VPS8: variants seen among roughly 807,000 people sequenced by gnomAD.
VPS8 encodes the protein vacuolar protein sorting-associated protein 8 homolog.
In VPS8, 129 loss-of-function variants were observed where a neutral mutation model predicts 216.4. That is an observed-to-expected ratio of 0.60 (90% CI 0.52 to 0.69). The LOEUF is 0.69. Among genes scored for constraint, VPS8 ranks in the 30% least tolerant of loss-of-function variants. The probability of loss-of-function intolerance (pLI) is 0.00; values close to 1 mark genes in which losing one functional copy is unlikely to be tolerated. For missense variants in VPS8, 1,531 were observed against 1,683.5 expected (o/e 0.91, Z 1.59); for synonymous variants, 571 against 565.4 (o/e 1.01, Z -0.14).
Position 184,850,023 on chromosome 3 carries a change from G to A in VPS8, c.753+1G>A. The A allele has an allele frequency of 6.3e-7, 1 of 1,598,026 alleles. No individual in the cohort carries two copies. Among genetic ancestry groups the A allele is most frequent in the East Asian group, 2.2e-5 (1 of 44,732 alleles). ...AGGAACAGCAATATTGCATATCAAGGTAAGAGCTTTATTTTCTTTTCCTAA... is the reference window on the plus strand; with the variant it reads ...AGGAACAGCAATATTGCATATCAAGATAAGAGCTTTATTTTCTTTTCCTAA... On this transcript the variant is annotated splice_donor_variant, in intron 10 of 47. Coordinates refer to ENST00000625842, the MANE Select transcript of VPS8 (RefSeq NM_001009921.3). LOFTEE classifies it high-confidence loss of function.
In VPS8 at chr3:184,869,483, A is replaced by G. The variant is rs1397714549; in HGVS notation, c.1599A>G (p.Gly533=). ...FHEGKAKAVV[G]LSGDASKRKA... is the part of the protein sequence containing the mutation. ...TTGTTGGATTTTCCTTCTCTGCAGG[A>G]TTATCAGGGGATGCCAGTAAGCGAA... The change falls in exon 20 of 48, where the codon GGA becomes GGG. Residue 533 remains glycine (G), a splice_region_variant and synonymous_variant. Transcript: ENST00000625842. 1.2e-6 allele frequency: 2 copies of G among 1,613,422 alleles called. No individual in the cohort carries two copies. Among genetic ancestry groups the G allele is most frequent in the Non-Finnish European group, 1.7e-6 (2 of 1,179,538 alleles).
chr3:185,029,310 C>T (rs117739577), intron 46 of VPS8, among the ~76,000 whole-genome samples: 1 of 152,184 alleles, frequency 6.6e-6, no homozygotes. Context: ...ACAAAGGAAG[C>T]AGCAGTGTTC....
At chr3:184,989,683 G>T (rs1360055093) in intron 42 of VPS8, among the ~76,000 whole-genome samples, 3 of 152,066 alleles carry the variant, frequency 2.0e-5, no homozygotes, top group Non-Finnish European at 4.4e-5. Context: ...TTTTGTTGAG[G>T]ATTTTTGCAT....
intron 25 of VPS8, 65 bp downstream of exon 25, chr3:184,901,037 A>G (rs1296149424): frequency 1.4e-6 from 2 of 1,463,276 alleles, no homozygotes; most frequent in East Asian, 4.6e-5. Flanking sequence ...AAATGTTACA[A>G]AATTGGCCAA....
chr3:184,900,908 A>G lies in VPS8; in HGVS notation c.2095-13A>G. 6.3e-7 allele frequency: 1 copy of G among 1,597,052 alleles called. No individual in the cohort carries two copies. The highest frequency in any genetic ancestry group is 8.5e-7 in the Non-Finnish European group (1 of 1,173,738). On this transcript the variant is annotated splice_polypyrimidine_tract_variant and intron_variant, in intron 24 of 47. Coordinates refer to ENST00000625842, the MANE Select transcript of VPS8 (RefSeq NM_001009921.3). ...AGATGATGATGATTGTTTTCCTATT[A>G]ATTTTAATGCAGAAACTTTTCAGAG...
chr3:185,048,335 A>G (rs1197127493), intron 46 of VPS8, 144 bp from the exon 47 acceptor site: 1 of 767,184 alleles, frequency 1.3e-6, no homozygotes, highest in East Asian at 2.6e-5. Flanking sequence ...CATGTTCAGT[A>G]TATATCTCAC....
intron 28 of VPS8, among the ~76,000 whole-genome samples, chr3:184,918,559 G>A (rs891385923): frequency 6.6e-6 from 1 of 152,118 alleles, no homozygotes; most frequent in Non-Finnish European, 1.5e-5. Flanking sequence ...TCACACTGTG[G>A]TATATCACCA....
chr3:184,872,320 G>C (rs978410766), intron 21 of VPS8, among the ~76,000 whole-genome samples: 1 of 151,966 alleles, frequency 6.6e-6, no homozygotes, highest in Non-Finnish European at 1.5e-5. Flanking sequence ...ACAGTGTTGG[G>C]GGAAAACGTG....
intron 46 of VPS8, among the ~76,000 whole-genome samples, chr3:185,045,052 T>C (rs1234875915): frequency 2.6e-5 from 4 of 152,112 alleles, no homozygotes; most frequent in Non-Finnish European, 4.4e-5. Flanking sequence ...AAAGACTGGC[T>C]GAGGCTATAA....
intron 46 of VPS8, among the ~76,000 whole-genome samples, chr3:185,047,638 A>G (rs1315628681): frequency 1.3e-5 from 2 of 152,220 alleles, no homozygotes; most frequent in East Asian, 1.9e-4. Flanking sequence ...GCTAGCGTAT[A>G]CTGAGCCCTC....
chr3:184,890,023 T>A (rs916366796), intron 22 of VPS8, among the ~76,000 whole-genome samples: 3 of 152,218 alleles, frequency 2.0e-5, no homozygotes, highest in Admixed American at 6.5e-5. Context: ...GTTTTAAAAA[T>A]TTTTTTCTTA....
chr3:184,964,653 C>T (rs1039926372), intron 38 of VPS8, 96 bp downstream of exon 38: 9 of 669,790 alleles, frequency 1.3e-5, no homozygotes, highest in African/African-American at 3.7e-5. Flanking sequence ...AGTTGCAGAC[C>T]GTAATATATT....
At chr3:184,892,350 A>C (rs150201526) in intron 22 of VPS8, among the ~76,000 whole-genome samples, 1 of 152,014 alleles carries the variant, frequency 6.6e-6, no homozygotes, top group East Asian at 1.9e-4. Flanking sequence ...CTGAGTAGCC[A>C]GGATTACAGG....
intron 38 of VPS8, 27 bp downstream of exon 38, chr3:184,964,584 CA>C (rs750336694): frequency 7.3e-7 from 1 of 1,373,102 alleles, no homozygotes; most frequent in South Asian, 1.5e-5. Context: ...TTTCTTTCAT[CA>C]TATTTCTGTC....
chr3:184,872,112 A>C (rs1395103965), intron 21 of VPS8, among the ~76,000 whole-genome samples: 1 of 152,178 alleles, frequency 6.6e-6, no homozygotes, highest in Non-Finnish European at 1.5e-5. Context: ...ACAATACTTT[A>C]TATATAAGTA....
At chr3:184,844,725 A>G (rs763336456) in intron 8 of VPS8, among the ~76,000 whole-genome samples, 1 of 152,202 alleles carries the variant, frequency 6.6e-6, no homozygotes, top group African/African-American at 2.4e-5. Flanking sequence ...GAGGAGATCT[A>G]CTCTAAGCAA....
chr3:184,837,816 A>C (rs1577816187), intron 5 of VPS8, among the ~76,000 whole-genome samples: 1 of 152,354 alleles, frequency 6.6e-6, no homozygotes, highest in Middle Eastern at 3.4e-3. Flanking sequence ...TTTGAGATGT[A>C]GTTCTGCCAC....
chr3:184,935,520 G>A (rs1040234510), intron 34 of VPS8, among the ~76,000 whole-genome samples: 8 of 152,040 alleles, frequency 5.3e-5, no homozygotes, highest in Non-Finnish European at 7.4e-5. Flanking sequence ...TCTACATTTG[G>A]TCTTTGTGTT....
intron 22 of VPS8, among the ~76,000 whole-genome samples, chr3:184,888,352 G>A (rs565042292): frequency 1.8e-4 from 28 of 152,248 alleles, no homozygotes; most frequent in African/African-American, 5.1e-4. Flanking sequence ...ATTTCTTTCC[G>A]GTGTTAGGGC....
Sources: gnomAD v4.1 joint callset for allele counts (sites outside exome capture counted in the v4.1 genomes callset) on GRCh38, gnomAD v4.1.1 for gene constraint, MANE v1.5 for transcripts, NCBI Gene and HGNC (gene_info 2026-07-23, HGNC 2026-07-21) for gene names.